The following ARSB variants were observed in gnomAD, a reference collection of about 807,000 sequenced individuals.
The protein encoded by ARSB is N-acetylgalactosamine-4-sulfatase.
A neutral mutation model predicts 50.9 loss-of-function variants in ARSB; 41 were observed. That is an observed-to-expected ratio of 0.81 (90% CI 0.63 to 1.04). The LOEUF (loss-of-function observed/expected upper bound fraction) is 1.04, where lower values mean the gene tolerates loss of function less well. Among genes scored for constraint, ARSB ranks in the 50% least tolerant of loss-of-function variants. The probability of loss-of-function intolerance (pLI) is 0.00; values close to 1 mark genes in which losing one functional copy is unlikely to be tolerated. For synonymous variants in ARSB, 269 were observed against 284.8 expected (o/e 0.94, Z 0.56); for missense variants, 672 against 693.3 (o/e 0.97, Z 0.35).
chr5:78,784,088 C>T (rs1446281492), intron 6 of ARSB, among the ~76,000 whole-genome samples: 2 of 152,204 alleles, frequency 1.3e-5, no homozygotes, highest in Non-Finnish European at 2.9e-5. Context: ...CTTTCATTTA[C>T]TCCTCTAGAG....
At chr5:78,833,507 G>A (rs540738814) in intron 6 of ARSB, among the ~76,000 whole-genome samples, 1 of 152,294 alleles carries the variant, frequency 6.6e-6, no homozygotes, top group South Asian at 2.1e-4. Flanking sequence ...AAGCACACAG[G>A]AAAGCAATTA....
intron 6 of ARSB, among the ~76,000 whole-genome samples, chr5:78,831,064 C>T (rs1416840934): frequency 1.3e-5 from 2 of 152,132 alleles, no homozygotes; most frequent in African/African-American, 2.4e-5. Flanking sequence ...TAGAGAAATA[C>T]ATAAAGTGAA....
chr5:78,952,373 G>A (rs994863886), intron 4 of ARSB, among the ~76,000 whole-genome samples: 1 of 151,936 alleles, frequency 6.6e-6, no homozygotes, highest in Admixed American at 6.6e-5. Context: ...GTCTCGCTCT[G>A]TTACCCAGGC....
At chr5:78,809,616 C>T (rs944131734) in intron 6 of ARSB, among the ~76,000 whole-genome samples, 2 of 152,262 alleles carry the variant, frequency 1.3e-5, no homozygotes, top group Non-Finnish European at 2.9e-5. Flanking sequence ...ACCCATCCTA[C>T]GGTCAGGCTG....
chr5:78,832,348 G>C (rs1365289934), intron 6 of ARSB, among the ~76,000 whole-genome samples: 2 of 152,196 alleles, frequency 1.3e-5, no homozygotes, highest in African/African-American at 4.8e-5. Context: ...CCTTCCAGCA[G>C]GGTGGGGAGA....
intron 6 of ARSB, among the ~76,000 whole-genome samples, chr5:78,815,077 G>T (rs753608677): frequency 6.6e-6 from 1 of 150,850 alleles, no homozygotes; most frequent in Non-Finnish European, 1.5e-5. Context: ...AAGGCGTTGG[G>T]ATTATTTAGT....
chr5:78,829,489 A>G (rs1744578581), intron 6 of ARSB, among the ~76,000 whole-genome samples: 1 of 152,172 alleles, frequency 6.6e-6, no homozygotes, highest in Admixed American at 6.5e-5. Flanking sequence ...TTATTTTATA[A>G]CTGTGTTAAT....
chr5:78,804,242 A>G (rs1403012318), intron 6 of ARSB, among the ~76,000 whole-genome samples: 1 of 151,954 alleles, frequency 6.6e-6, no homozygotes, highest in Non-Finnish European at 1.5e-5. Flanking sequence ...CTTCAGACTC[A>G]GTTTTTGTGG....
chr5:78,908,270 A>AC (rs1352049480), intron 4 of ARSB, among the ~76,000 whole-genome samples: 2 of 150,920 alleles, frequency 1.3e-5, no homozygotes, highest in Non-Finnish European at 3.0e-5. Context: ...GTGTCCTCTG[A>AC]CCCCCCTCCC....
At chr5:78,824,552 C>T (rs893133523) in intron 6 of ARSB, among the ~76,000 whole-genome samples, 2 of 152,166 alleles carry the variant, frequency 1.3e-5, no homozygotes, top group African/African-American at 4.8e-5. Flanking sequence ...ATGAAAGGCA[C>T]TGCTTTAAGT....
chr5:78,899,820 T>C (rs997073885), intron 4 of ARSB, among the ~76,000 whole-genome samples: 3 of 152,322 alleles, frequency 2.0e-5, no homozygotes, highest in East Asian at 1.9e-4. Flanking sequence ...GGGTCAGTCA[T>C]TGGATTTTTG....
chr5:78,794,651 G>A (rs1743115927), intron 6 of ARSB, among the ~76,000 whole-genome samples: 1 of 152,166 alleles, frequency 6.6e-6, no homozygotes. Context: ...TTATCAGGCA[G>A]GATATTCGGG....
At chr5:78,791,761 C>T (rs3910652) in intron 6 of ARSB, among the ~76,000 whole-genome samples, 13,328 of 152,240 alleles carry the variant, frequency 0.088, 1,308 homozygotes, top group African/African-American at 0.23. Flanking sequence ...AAAATAGTTT[C>T]TTCCTAAAAT....
chr5:78,910,245 G>A (rs1290482812), intron 4 of ARSB, among the ~76,000 whole-genome samples: 2 of 152,160 alleles, frequency 1.3e-5, no homozygotes, highest in Non-Finnish European at 1.5e-5. Flanking sequence ...GCTAAGCACC[G>A]GTCTCCTGGG....
intron 5 of ARSB, among the ~76,000 whole-genome samples, chr5:78,881,171 G>A (rs527379881): frequency 5.9e-5 from 9 of 152,160 alleles, no homozygotes; most frequent in East Asian, 1.9e-4. Flanking sequence ...GGCAGAGATC[G>A]CAGTGAGCCA....
chr5:78,941,271 T>G (rs1202354437), intron 4 of ARSB, among the ~76,000 whole-genome samples: 6 of 151,150 alleles, frequency 4.0e-5, no homozygotes, highest in Admixed American at 4.0e-4. Context: ...TTGAATGCCC[T>G]TTATTTCCTT....
intron 3 of ARSB, among the ~76,000 whole-genome samples, chr5:78,960,784 C>T (rs938148227): frequency 2.0e-5 from 3 of 152,096 alleles, no homozygotes; most frequent in Non-Finnish European, 2.9e-5. Flanking sequence ...AGGGTGGTCT[C>T]AAACTCCTAA....
chr5:78,933,095 C>A (rs1750412192), intron 4 of ARSB, among the ~76,000 whole-genome samples: 1 of 152,170 alleles, frequency 6.6e-6, no homozygotes, highest in Non-Finnish European at 1.5e-5. Flanking sequence ...GAAAGCAGAA[C>A]CTGGAACTTT....
intron 5 of ARSB, among the ~76,000 whole-genome samples, chr5:78,871,870 T>A: frequency 1.4e-5 from 2 of 138,782 alleles, no homozygotes; most frequent in East Asian, 2.0e-4. Flanking sequence ...ACCATCAGAG[T>A]GAACAGGCAA....
Sources: allele counts gnomAD v4.1 joint callset (sites outside exome capture counted in the v4.1 genomes callset), GRCh38; gene constraint gnomAD v4.1.1; transcripts MANE v1.5; gene names NCBI Gene and HGNC (gene_info 2026-07-23, HGNC 2026-07-21).